EPHA6: variants seen among roughly 807,000 people sequenced by gnomAD.
EPHA6 encodes the protein ephrin type-A receptor 6.
A neutral mutation model predicts 112.0 loss-of-function variants in EPHA6; 50 were observed. That is an observed-to-expected ratio of 0.45 (90% CI 0.36 to 0.56). The LOEUF (loss-of-function observed/expected upper bound fraction) is 0.56, where lower values mean the gene tolerates loss of function less well. EPHA6 is among the 20% of genes least tolerant of loss of function. EPHA6 has a pLI of 0.00. For missense variants in EPHA6, 1,280 were observed against 1,417.4 expected (o/e 0.90, Z 1.56); for synonymous variants, 529 against 490.7 (o/e 1.08, Z -1.03).
chr3:97,142,476 C>T (rs1415448121), intron 3 of EPHA6, among the ~76,000 whole-genome samples: 1 of 151,804 alleles, frequency 6.6e-6, no homozygotes. Flanking sequence ...AGCACAATCA[C>T]AAATGATAAA....
chr3:97,697,105 G>A (rs929709373), intron 14 of EPHA6, among the ~76,000 whole-genome samples: 2 of 152,100 alleles, frequency 1.3e-5, no homozygotes, highest in Admixed American at 6.6e-5. Context: ...ATTTCTCCCC[G>A]TGGTCCTATT....
At chr3:97,525,794 G>A (rs1474729201) in intron 10 of EPHA6, among the ~76,000 whole-genome samples, 1 of 152,132 alleles carries the variant, frequency 6.6e-6, no homozygotes, top group African/African-American at 2.4e-5. Flanking sequence ...GTTGGTGTGG[G>A]TCCCATTTGG....
intron 11 of EPHA6, among the ~76,000 whole-genome samples, chr3:97,591,573 G>T (rs1423462585): frequency 1.3e-5 from 2 of 152,014 alleles, no homozygotes; most frequent in East Asian, 3.8e-4. Flanking sequence ...GTTGGTGGGT[G>T]GGGGAGGGTT....
intron 3 of EPHA6, among the ~76,000 whole-genome samples, chr3:97,140,083 G>A (rs759646070): frequency 2.6e-5 from 4 of 151,826 alleles, no homozygotes; most frequent in Non-Finnish European, 5.9e-5. Flanking sequence ...ATAATAAACT[G>A]TAAAAGACAA....
intron 11 of EPHA6, among the ~76,000 whole-genome samples, chr3:97,547,389 G>A (rs1218764040): frequency 6.6e-6 from 1 of 152,186 alleles, no homozygotes; most frequent in Non-Finnish European, 1.5e-5. Context: ...AGATGTGGGT[G>A]AACCGCAAAT....
intron 1 of EPHA6, among the ~76,000 whole-genome samples, chr3:96,842,991 T>G (rs1455869388): frequency 3.3e-5 from 5 of 152,110 alleles, no homozygotes; most frequent in African/African-American, 1.2e-4. Context: ...AGTGGTACTC[T>G]ATGATAACCA....
intron 13 of EPHA6, among the ~76,000 whole-genome samples, chr3:97,636,129 C>G (rs1036282761): frequency 1.3e-5 from 2 of 151,708 alleles, no homozygotes; most frequent in Non-Finnish European, 2.9e-5. Flanking sequence ...GATAAGGAAA[C>G]AGACACTCGA....
At chr3:97,159,658 C>T (rs2076368322) in intron 3 of EPHA6, among the ~76,000 whole-genome samples, 1 of 152,148 alleles carries the variant, frequency 6.6e-6, no homozygotes, top group South Asian at 2.1e-4. Flanking sequence ...TTCAATATGC[C>T]CTGCCACTAT....
At chr3:96,938,687 A>C (rs549115246) in intron 2 of EPHA6, among the ~76,000 whole-genome samples, 9 of 151,696 alleles carry the variant, frequency 5.9e-5, no homozygotes, top group African/African-American at 2.2e-4. Flanking sequence ...GTCTTGTGCC[A>C]GTTTTCAAAG....
intron 3 of EPHA6, among the ~76,000 whole-genome samples, chr3:96,995,795 CA>C (rs2043399328): frequency 6.6e-6 from 1 of 152,122 alleles, no homozygotes; most frequent in Non-Finnish European, 1.5e-5. Flanking sequence ...GAGCCTTCAG[CA>C]AGTCATAATC....
chr3:97,441,458 A>G, intron 6 of EPHA6: 1 of 977,586 alleles, frequency 1.0e-6, no homozygotes, highest in African/African-American at 1.7e-5. Flanking sequence ...CCTCAACTAG[A>G]CATCTGCCAA....
At chr3:97,334,478 C>CT (rs1354125066) in intron 5 of EPHA6, among the ~76,000 whole-genome samples, 4,659 of 128,000 alleles carry the variant, frequency 0.036, 163 homozygotes, top group African/African-American at 0.086. Context: ...TTTTTTTCTT[C>CT]TTTTTTTTTT....
intron 14 of EPHA6, among the ~76,000 whole-genome samples, chr3:97,717,366 T>C (rs2034294556): frequency 6.6e-6 from 1 of 152,146 alleles, no homozygotes; most frequent in African/African-American, 2.4e-5. Context: ...ATTAGTCTGC[T>C]AGGGCTGCCA....
intron 11 of EPHA6, among the ~76,000 whole-genome samples, chr3:97,542,721 A>T (rs1284933256): frequency 1.3e-5 from 2 of 152,230 alleles, no homozygotes; most frequent in East Asian, 3.9e-4. Flanking sequence ...ACAGTGAAAA[A>T]GTATTCCTAT....
At chr3:97,363,269 T>C (rs1389814422) in intron 5 of EPHA6, among the ~76,000 whole-genome samples, 2 of 120,818 alleles carry the variant, frequency 1.7e-5, no homozygotes, top group East Asian at 2.6e-4. Context: ...CTAAAGTAAA[T>C]TATTTCTACA....
chr3:97,349,834 G>T (rs531071293), intron 5 of EPHA6, among the ~76,000 whole-genome samples: 47 of 152,014 alleles, frequency 3.1e-4, no homozygotes. Flanking sequence ...CACAACTCAT[G>T]TTCAACATTA....
intron 2 of EPHA6, among the ~76,000 whole-genome samples, chr3:96,908,723 G>A (rs547313052): frequency 3.9e-5 from 6 of 151,910 alleles, no homozygotes; most frequent in South Asian, 2.1e-4. Flanking sequence ...TTTTAAAGAA[G>A]GGAAAGTAGG....
chr3:97,543,367 C>A (rs1464907925), intron 11 of EPHA6, among the ~76,000 whole-genome samples: 3 of 152,152 alleles, frequency 2.0e-5, no homozygotes, highest in Non-Finnish European at 4.4e-5. Context: ...TTCCCCATTG[C>A]TTGTTTTTCT....
At chr3:97,448,125 G>A (rs987944425) in intron 6 of EPHA6, among the ~76,000 whole-genome samples, 1 of 152,080 alleles carries the variant, frequency 6.6e-6, no homozygotes, top group Non-Finnish European at 1.5e-5. Flanking sequence ...TCACCCACAG[G>A]TCTACCCACG....
Sources: allele counts gnomAD v4.1 joint callset (sites outside exome capture counted in the v4.1 genomes callset), GRCh38; gene constraint gnomAD v4.1.1; transcripts MANE v1.5; gene names NCBI Gene and HGNC (gene_info 2026-07-23, HGNC 2026-07-21).